Variants in RPS6KC1 observed in about 807,000 individuals in gnomAD.
The protein encoded by RPS6KC1 is inactive ribosomal protein S6 kinase delta-1.
Under a neutral mutation model 103.8 loss-of-function variants are expected in RPS6KC1, and 54 were observed. That is an observed-to-expected ratio of 0.52 (90% CI 0.42 to 0.65). RPS6KC1 has a LOEUF of 0.65. Among genes scored for constraint, RPS6KC1 ranks in the 30% least tolerant of loss-of-function variants. The pLI is 0.00. For missense variants in RPS6KC1, 1,151 were observed against 1,253.8 expected (o/e 0.92, Z 1.24); for synonymous variants, 439 against 438.7 (o/e 1.00, Z -0.01).
intron 12 of RPS6KC1, among the ~76,000 whole-genome samples, chr1:213,253,271 A>G (rs147669089): frequency 1.1e-4 from 16 of 152,268 alleles, no homozygotes; most frequent in East Asian, 9.7e-4. Flanking sequence ...GAAGAATGAG[A>G]TGATCTATGT....
At chr1:213,353,954 T>A in the RPS6KC1 span, among the ~76,000 whole-genome samples, 1 of 152,154 alleles carries the variant, frequency 6.6e-6, no homozygotes, top group Non-Finnish European at 1.5e-5. Flanking sequence ...TCTCAGAGGA[T>A]CCTTTGTTAG....
chr1:213,644,478 T>C, the RPS6KC1 span, among the ~76,000 whole-genome samples: 42 of 152,130 alleles, frequency 2.8e-4, 1 homozygote, highest in Non-Finnish European at 5.3e-4. Context: ...TACAGTATCA[T>C]ACAGGGTAGT....
At chr1:213,360,442 C>A in the RPS6KC1 span, among the ~76,000 whole-genome samples, 130 of 152,272 alleles carry the variant, frequency 8.5e-4, no homozygotes, top group African/African-American at 3.0e-3. Context: ...ATTGGTTATT[C>A]TAGTTAGCCA....
the RPS6KC1 span, among the ~76,000 whole-genome samples, chr1:213,656,505 T>G: frequency 6.6e-6 from 1 of 152,236 alleles, no homozygotes; most frequent in African/African-American, 2.4e-5. Flanking sequence ...GAATCACAGG[T>G]AGGACCCTTA....
the RPS6KC1 span, among the ~76,000 whole-genome samples, chr1:213,769,049 C>G: frequency 0.26 from 39,318 of 151,954 alleles, 5,583 homozygotes; most frequent in African/African-American, 0.37. Flanking sequence ...AATATATAGA[C>G]AGAGGGAAAT....
the RPS6KC1 span, among the ~76,000 whole-genome samples, chr1:213,550,474 G>A: frequency 2.6e-5 from 4 of 152,024 alleles, no homozygotes; most frequent in Non-Finnish European, 5.9e-5. Context: ...CGCTTCCCCA[G>A]TGCATCTCGA....
the RPS6KC1 span, among the ~76,000 whole-genome samples, chr1:213,423,749 C>G: frequency 1.3e-5 from 2 of 151,692 alleles, no homozygotes; most frequent in African/African-American, 4.8e-5. Context: ...AAAGTGGGAG[C>G]CTTGGAGGGG....
the RPS6KC1 span, among the ~76,000 whole-genome samples, chr1:213,674,031 T>G: frequency 8.7e-4 from 132 of 152,246 alleles, 1 homozygote; most frequent in African/African-American, 3.1e-3. Flanking sequence ...GTACCATTTT[T>G]TTTTTGAGAC....
intron 1 of RPS6KC1, among the ~76,000 whole-genome samples, chr1:213,054,221 G>A (rs1023737972): frequency 1.3e-5 from 2 of 152,158 alleles, no homozygotes; most frequent in Admixed American, 1.3e-4. Context: ...GTAGCACATT[G>A]CCTTAGAACT....
At chr1:213,327,380 C>G in the RPS6KC1 span, among the ~76,000 whole-genome samples, 1 of 152,064 alleles carries the variant, frequency 6.6e-6, no homozygotes, top group Non-Finnish European at 1.5e-5. Context: ...GAAGAAGAAA[C>G]AAAACCATGC....
At chr1:213,444,744 C>CAAAAAAAAAA in the RPS6KC1 span, among the ~76,000 whole-genome samples, 1 of 87,534 alleles carries the variant, frequency 1.1e-5, no homozygotes. Flanking sequence ...AACTCCAACT[C>CAAAAAAAAAA]AAAAAAAAAA....
At chr1:213,117,697 A>C (rs766559357) in intron 5 of RPS6KC1, among the ~76,000 whole-genome samples, 1 of 151,676 alleles carries the variant, frequency 6.6e-6, no homozygotes, top group Non-Finnish European at 1.5e-5. Context: ...TGGTATAATG[A>C]GTAGTTCAGA....
chr1:213,837,925 T>G, the RPS6KC1 span, among the ~76,000 whole-genome samples: 1 of 152,292 alleles, frequency 6.6e-6, no homozygotes, highest in Non-Finnish European at 1.5e-5. Flanking sequence ...CTAGATGAAT[T>G]TATGTGCACT....
At chr1:213,471,515 T>G in the RPS6KC1 span, among the ~76,000 whole-genome samples, 6 of 152,156 alleles carry the variant, frequency 3.9e-5, no homozygotes, top group African/African-American at 1.2e-4. Context: ...AGTCCAGTTT[T>G]CCCCTCCACC....
chr1:213,293,377 TTCTC>T, the RPS6KC1 span, among the ~76,000 whole-genome samples: 9 of 152,176 alleles, frequency 5.9e-5, no homozygotes, highest in African/African-American at 1.9e-4. Flanking sequence ...TTTTCCCCCT[TTCTC>T]TCTACCCCCA....
chr1:213,426,431 GTGCAGAC>G, the RPS6KC1 span, among the ~76,000 whole-genome samples: 516 of 152,268 alleles, frequency 3.4e-3, 10 homozygotes, highest in African/African-American at 0.012. Flanking sequence ...GCCGATTTTG[GTGCAGAC>G]TCAAGTGAGT....
chr1:213,401,779 A>G, the RPS6KC1 span, among the ~76,000 whole-genome samples: 2 of 149,840 alleles, frequency 1.3e-5, no homozygotes, highest in Non-Finnish European at 3.0e-5. Flanking sequence ...TTTTATTTTT[A>G]CTTACTTTAT....
At chr1:213,448,444 A>C in the RPS6KC1 span, among the ~76,000 whole-genome samples, 1 of 152,104 alleles carries the variant, frequency 6.6e-6, no homozygotes, top group Admixed American at 6.5e-5. Flanking sequence ...TTCTGCAATT[A>C]GACCCAAACC....
intron 6 of RPS6KC1, among the ~76,000 whole-genome samples, chr1:213,136,743 C>T (rs927422930): frequency 6.6e-6 from 1 of 152,172 alleles, no homozygotes; most frequent in Non-Finnish European, 1.5e-5. Context: ...TCCCATGTGA[C>T]TGGCATCCAG....
Sources: gnomAD v4.1 joint callset for allele counts (sites outside exome capture counted in the v4.1 genomes callset) on GRCh38, gnomAD v4.1.1 for gene constraint, MANE v1.5 for transcripts, NCBI Gene and HGNC (gene_info 2026-07-23, HGNC 2026-07-21) for gene names.